The following CAMK1D variants were observed in gnomAD, a reference collection of about 807,000 sequenced individuals.
The protein encoded by CAMK1D is calcium/calmodulin dependent protein kinase ID, also known as calcium/calmodulin-dependent protein kinase type 1D.
A neutral mutation model predicts 47.7 loss-of-function variants in CAMK1D; 9 were observed. That is an observed-to-expected ratio of 0.19 (90% CI 0.11 to 0.33). The LOEUF is 0.33. CAMK1D is among the 10% of genes least tolerant of loss of function. CAMK1D has a pLI of 1.00. For missense variants in CAMK1D, 291 were observed against 488.7 expected (o/e 0.60, Z 3.81); for synonymous variants, 184 against 184.9 (o/e 0.99, Z 0.04).
At chr10:12,411,405 G>A (rs543674088) in intron 1 of CAMK1D, among the ~76,000 whole-genome samples, 1 of 152,148 alleles carries the variant, frequency 6.6e-6, no homozygotes, top group Non-Finnish European at 1.5e-5. Flanking sequence ...TCCTGTGGCC[G>A]AGATGGTCGG....
At chr10:12,797,181 A>T (rs534905222) in intron 6 of CAMK1D, among the ~76,000 whole-genome samples, 1 of 148,430 alleles carries the variant, frequency 6.7e-6, no homozygotes, top group African/African-American at 2.5e-5. Context: ...GCTGGGTAGC[A>T]CAGCTGACCA....
chr10:12,527,108 G>T (rs185090402), intron 1 of CAMK1D, among the ~76,000 whole-genome samples: 1 of 151,982 alleles, frequency 6.6e-6, no homozygotes, highest in African/African-American at 2.4e-5. Context: ...AGGTAGAAGG[G>T]TTATTTCTTG....
Position 12,631,693 on chromosome 10 carries a change from T to C in CAMK1D, c.225-35043T>C, listed in dbSNP as rs569738122. 7.9e-4 allele frequency among the ~76,000 whole-genome samples: 120 copies of C among 152,110 alleles called. 2 individuals are homozygous for C. The South Asian group carries it at 0.024, about 31-fold the overall frequency. ...CACTTGTTCCCACGTTAATCCTTTT[T>C]TTTTTTTTTGGTGACATCAAAAGCT... On this transcript the variant is annotated intron_variant, in intron 2 of 10. Transcript: ENST00000619168.
At chr10:12,754,694 C>T (rs1836152119) in intron 3 of CAMK1D, among the ~76,000 whole-genome samples, 1 of 152,144 alleles carries the variant, frequency 6.6e-6, no homozygotes. Flanking sequence ...CAGTTGATTT[C>T]TCTTGAGGCG....
At chr10:12,740,689 A>G (rs758171988) in intron 3 of CAMK1D, among the ~76,000 whole-genome samples, 7 of 152,234 alleles carry the variant, frequency 4.6e-5, no homozygotes, top group Non-Finnish European at 1.0e-4. Flanking sequence ...AGTTTGAACA[A>G]GACACAAATA....
chr10:12,387,459 A>G (rs1387016837), intron 1 of CAMK1D, among the ~76,000 whole-genome samples: 2 of 96,770 alleles, frequency 2.1e-5, no homozygotes, highest in Non-Finnish European at 4.6e-5. Flanking sequence ...ATATATATAT[A>G]TATATAGACA....
intron 3 of CAMK1D, among the ~76,000 whole-genome samples, chr10:12,722,322 TG>T (rs1377259339): frequency 1.3e-5 from 2 of 151,544 alleles, no homozygotes; most frequent in Admixed American, 6.6e-5. Flanking sequence ...GGTGGGTGCC[TG>T]TAGTCCCAGC....
At chr10:12,629,274 T>A (rs1839310693) in intron 2 of CAMK1D, among the ~76,000 whole-genome samples, 3 of 152,230 alleles carry the variant, frequency 2.0e-5, no homozygotes, top group Non-Finnish European at 4.4e-5. Context: ...TGAAGAGTCC[T>A]TTTAAAGACT....
At chr10:12,795,069 G>A (rs1838137423) in intron 6 of CAMK1D, among the ~76,000 whole-genome samples, 1 of 152,246 alleles carries the variant, frequency 6.6e-6, no homozygotes, top group East Asian at 1.9e-4. Flanking sequence ...TGAGGCTGGG[G>A]GTCTGATGTA....
chr10:12,826,589 A>G lies in CAMK1D; in HGVS notation c.1039+899A>G, dbSNP rs538697317. 1.1e-3 allele frequency among the ~76,000 whole-genome samples: 173 copies of G among 152,186 alleles called. 1 individual carries two copies. Among genetic ancestry groups the G allele is most frequent in the African/African-American group, 4.1e-3 (170 of 41,512 alleles). On this transcript the variant is annotated intron_variant, in intron 10 of 10. Transcript: ENST00000619168. Reference sequence around the variant, plus strand: ...GGCCCTTCCCATGGGTCCTCTCCACATCAGAGCAGTGGCCCTAATCTCCCT... The same window carrying G: ...GGCCCTTCCCATGGGTCCTCTCCACGTCAGAGCAGTGGCCCTAATCTCCCT...
intron 6 of CAMK1D, among the ~76,000 whole-genome samples, chr10:12,793,701 C>T (rs577892423): frequency 6.6e-6 from 1 of 152,232 alleles, no homozygotes; most frequent in East Asian, 1.9e-4. Context: ...TTTTCTAATC[C>T]AGTCACTGGC....
intron 3 of CAMK1D, among the ~76,000 whole-genome samples, chr10:12,726,496 A>G (rs749799288): frequency 1.6e-4 from 25 of 152,200 alleles, no homozygotes; most frequent in Admixed American, 3.9e-4. Context: ...TGACTTACAC[A>G]TTGTCAACTT....
At chr10:12,363,022 G>C (rs1195880205) in intron 1 of CAMK1D, among the ~76,000 whole-genome samples, 1 of 150,122 alleles carries the variant, frequency 6.7e-6, no homozygotes, top group Non-Finnish European at 1.5e-5. Context: ...CTCACTGCAG[G>C]CTCTTCCTCC....
chr10:12,599,271 C>A (rs1838234144), intron 2 of CAMK1D, among the ~76,000 whole-genome samples: 1 of 152,136 alleles, frequency 6.6e-6, no homozygotes, highest in African/African-American at 2.4e-5. Flanking sequence ...TTCCCTGCTG[C>A]ATCTTATTTT....
intron 3 of CAMK1D, among the ~76,000 whole-genome samples, chr10:12,705,167 T>C (rs532200575): frequency 6.6e-6 from 1 of 151,912 alleles, no homozygotes; most frequent in Non-Finnish European, 1.5e-5. Flanking sequence ...TAGAACAGAA[T>C]AGAAAATAAT....
At chr10:12,566,698 A>G (rs961518446) in intron 2 of CAMK1D, among the ~76,000 whole-genome samples, 4 of 152,368 alleles carry the variant, frequency 2.6e-5, no homozygotes, top group African/African-American at 4.8e-5. Context: ...CTCTTTCCAC[A>G]TAACCATACT....
intron 6 of CAMK1D, among the ~76,000 whole-genome samples, chr10:12,809,683 G>A (rs1050727398): frequency 6.6e-6 from 1 of 152,200 alleles, no homozygotes; most frequent in African/African-American, 2.4e-5. Context: ...ATCTAGAATA[G>A]TCAAACTCAT....
At chr10:12,484,614 C>G (rs570710908) in intron 1 of CAMK1D, among the ~76,000 whole-genome samples, 8 of 152,240 alleles carry the variant, frequency 5.3e-5, no homozygotes, top group Non-Finnish European at 8.8e-5. Flanking sequence ...GAAATAGCTG[C>G]GGGGAGGGTG....
chr10:12,744,955 C>A (rs771534730), intron 3 of CAMK1D, among the ~76,000 whole-genome samples: 1 of 152,202 alleles, frequency 6.6e-6, no homozygotes, highest in African/African-American at 2.4e-5. Context: ...TCTGTGCCCA[C>A]GAAACTTCAT....
Sources: allele counts gnomAD v4.1 joint callset (sites outside exome capture counted in the v4.1 genomes callset), GRCh38; gene constraint gnomAD v4.1.1; transcripts MANE v1.5; gene names NCBI Gene and HGNC (gene_info 2026-07-23, HGNC 2026-07-21).